The following NCKAP5 variants were observed in gnomAD, a reference collection of about 807,000 sequenced individuals.
NCKAP5 encodes the protein NCK associated protein 5.
NCKAP5 carries 92 observed loss-of-function variants against 167.0 expected under a neutral mutation model. The ratio of observed to expected loss-of-function variants is 0.55; its 90% confidence interval spans 0.47 to 0.66. NCKAP5 has a LOEUF of 0.66. Among genes scored for constraint, NCKAP5 ranks in the 30% least tolerant of loss-of-function variants. NCKAP5 has a pLI of 0.00. For missense variants in NCKAP5, 2,378 were observed against 2,315.0 expected, an observed-to-expected ratio of 1.03 and a Z score of -0.56; for synonymous variants, 891 against 877.4, an observed-to-expected ratio of 1.02 and a Z score of -0.27.
chr2:133,572,607 T>C (rs1016402629), upstream of NCKAP5, among the ~76,000 whole-genome samples: 10 of 152,216 alleles, frequency 6.6e-5, no homozygotes, highest in Non-Finnish European at 1.3e-4. Context: ...CCTTTAGTAA[T>C]GAGTATTGTC....
rs781181492 is a variant in NCKAP5 at position 132,784,137 on chromosome 2, T to A, written c.2674A>T (p.Thr892Ser). Residue 892 changes from threonine (T) to serine (S), a missense_variant, in exon 14 of 20, where the codon ACT becomes TCT. This residue lies in a region of NCKAP5 where 1,325 missense variants were observed against 1,274.5 expected (regional missense o/e 1.04). Coordinates refer to ENST00000409261, the MANE Select transcript of NCKAP5 (RefSeq NM_207363.3). ...GCAGGCCTTGACCGTGACCCTGGAG[T>A]CTGACTCTTGGGGCACTGGACCCAG... ...RDWVQCPKSQ[T>S]PGSRSRPAIE... The A allele has an allele frequency of 1.3e-6, 2 of 1,523,094 alleles. No homozygotes were observed. The highest frequency in any genetic ancestry group is 1.3e-5 in the South Asian group (1 of 75,300). 94.3% of individuals were successfully genotyped at this position (1,523,094 alleles called of 1,614,324 possible).
At chr2:133,615,127 C>T in the NCKAP5 span, among the ~76,000 whole-genome samples, 1 of 151,582 alleles carries the variant, frequency 6.6e-6, no homozygotes, top group Non-Finnish European at 1.5e-5. Context: ...CCAGGCCTGC[C>T]CTAAAAGAGC....
At chr2:132,897,235 C>A (rs755834210) in intron 8 of NCKAP5, among the ~76,000 whole-genome samples, 10 of 152,128 alleles carry the variant, frequency 6.6e-5, no homozygotes, top group Non-Finnish European at 1.3e-4. Flanking sequence ...TTCTCTAAAC[C>A]AGACTTTGAT....
At chr2:133,332,156 C>T (rs982006590) in intron 3 of NCKAP5, among the ~76,000 whole-genome samples, 1 of 152,142 alleles carries the variant, frequency 6.6e-6, no homozygotes, top group Non-Finnish European at 1.5e-5. Flanking sequence ...AATTGTTTTT[C>T]TAAGCTTCAG....
the NCKAP5 span, among the ~76,000 whole-genome samples, chr2:133,652,107 C>A: frequency 1.3e-5 from 2 of 152,142 alleles, no homozygotes; most frequent in African/African-American, 4.8e-5. Context: ...CTCACCTTTT[C>A]ACAAAAGTTG....
At chr2:133,032,031 G>A (rs2078896813) in intron 6 of NCKAP5, among the ~76,000 whole-genome samples, 2 of 152,102 alleles carry the variant, frequency 1.3e-5, no homozygotes, top group Non-Finnish European at 2.9e-5. Context: ...GAGAAACTCA[G>A]TACCTTACCA....
At chr2:133,036,252 G>A (rs544770644) in intron 6 of NCKAP5, among the ~76,000 whole-genome samples, 1 of 152,034 alleles carries the variant, frequency 6.6e-6, no homozygotes, top group South Asian at 2.1e-4. Context: ...ATTTAGTGAA[G>A]AACTAATAGC....
chr2:133,560,055 G>A (rs1055904903), intron 1 of NCKAP5, among the ~76,000 whole-genome samples: 2 of 152,112 alleles, frequency 1.3e-5, no homozygotes, highest in Non-Finnish European at 2.9e-5. Flanking sequence ...ACTGATTCTT[G>A]TACTATGGGG....
At chr2:133,589,235 T>C in the NCKAP5 span, among the ~76,000 whole-genome samples, 11 of 152,300 alleles carry the variant, frequency 7.2e-5, no homozygotes, top group African/African-American at 2.6e-4. Context: ...GGTGTCAGGA[T>C]GAACTCGGGT....
intron 5 of NCKAP5, among the ~76,000 whole-genome samples, chr2:133,166,252 T>A (rs564707838): frequency 6.6e-6 from 1 of 152,294 alleles, no homozygotes; most frequent in East Asian, 1.9e-4. Context: ...AGTAAAACCA[T>A]TACTTTAATG....
intron 19 of NCKAP5, among the ~76,000 whole-genome samples, chr2:132,702,450 A>C (rs1687978506): frequency 6.6e-6 from 1 of 152,112 alleles, no homozygotes; most frequent in Non-Finnish European, 1.5e-5. Flanking sequence ...TAAACAGATC[A>C]ACTTAAAGGG....
chr2:133,204,593 T>A lies in NCKAP5; in HGVS notation c.207+9123A>T, dbSNP rs564809119. Among the ~76,000 whole-genome samples the A allele has an allele frequency of 3.3e-5, 5 of 152,316 alleles. No individual in the cohort carries two copies. The South Asian group carries it at 1.0e-3, about 32-fold the overall frequency. Reference sequence around the variant, plus strand: ...CATTTTTAGAAACAGTGCTAAAGAGTAAATCTTTATATGAGCCACGTTTCG... The same window carrying A: ...CATTTTTAGAAACAGTGCTAAAGAGAAAATCTTTATATGAGCCACGTTTCG... On this transcript the variant is annotated intron_variant, in intron 5 of 19. Coordinates refer to ENST00000409261, the MANE Select transcript of NCKAP5 (RefSeq NM_207363.3).
intron 8 of NCKAP5, among the ~76,000 whole-genome samples, chr2:132,882,263 A>C (rs960344131): frequency 1.3e-5 from 2 of 152,152 alleles, no homozygotes; most frequent in Non-Finnish European, 2.9e-5. Flanking sequence ...ATTGGGAACT[A>C]AGATCTGGGT....
At chr2:133,427,726 T>G (rs1689902682) in intron 3 of NCKAP5, among the ~76,000 whole-genome samples, 1 of 152,120 alleles carries the variant, frequency 6.6e-6, no homozygotes, top group Non-Finnish European at 1.5e-5. Flanking sequence ...CACAGTTTAT[T>G]TTAGTGATAT....
In NCKAP5 at chr2:133,088,556, A is replaced by G. The variant is rs57723799; in HGVS notation, c.341+41422T>C. ...CCCAGAGAGAGAATGCTGCCTTCACATTTTAAACTGTGTCATATAATTTAT... is the reference window on the plus strand; with the variant it reads ...CCCAGAGAGAGAATGCTGCCTTCACGTTTTAAACTGTGTCATATAATTTAT... On this transcript the variant is annotated intron_variant, in intron 6 of 19. Transcript: ENST00000409261. Among the ~76,000 whole-genome samples the G allele has an allele frequency of 4.8e-3, 728 of 152,068 alleles. 4 individuals carry two copies. The highest frequency in any genetic ancestry group is 0.017 in the African/African-American group (708 of 41,494).
chr2:133,308,784 C>T (rs1681005441), intron 3 of NCKAP5, among the ~76,000 whole-genome samples: 1 of 137,396 alleles, frequency 7.3e-6, no homozygotes, highest in Non-Finnish European at 1.5e-5. Context: ...TCTCGGCTCA[C>T]TGCAAGCTCT....
At chr2:133,536,539 G>A (rs1251271188) in intron 2 of NCKAP5, among the ~76,000 whole-genome samples, 23 of 152,022 alleles carry the variant, frequency 1.5e-4, no homozygotes, top group Admixed American at 1.5e-3. Context: ...GGCCAGTATA[G>A]CCTTGTAGTA....
chr2:133,373,851 T>G (rs1685964211), intron 3 of NCKAP5, among the ~76,000 whole-genome samples: 2 of 152,338 alleles, frequency 1.3e-5, no homozygotes, highest in Admixed American at 6.5e-5. Context: ...TAAATGGTGC[T>G]GGAACAAATG....
intron 2 of NCKAP5, among the ~76,000 whole-genome samples, chr2:133,531,182 A>C (rs1685333398): frequency 6.6e-6 from 1 of 152,074 alleles, no homozygotes; most frequent in Admixed American, 6.6e-5. Context: ...GGAAGGAAGG[A>C]AGGAAAGAAG....
Sources: allele counts gnomAD v4.1 joint callset (sites outside exome capture counted in the v4.1 genomes callset), GRCh38; gene constraint gnomAD v4.1.1; regional missense constraint gnomAD v4.1.1; transcripts MANE v1.5; gene names NCBI Gene and HGNC (gene_info 2026-07-23, HGNC 2026-07-21).